Variants in TRAF6 observed in about 807,000 individuals in gnomAD.
TRAF6 encodes TNF receptor-associated factor 6.
A neutral mutation model predicts 48.4 loss-of-function variants in TRAF6; 10 were observed. The ratio of observed to expected loss-of-function variants is 0.21; its 90% confidence interval spans 0.13 to 0.35. The LOEUF (loss-of-function observed/expected upper bound fraction) is 0.35. Among genes scored for constraint, TRAF6 ranks in the 10% least tolerant of loss-of-function variants. TRAF6 has a pLI of 1.00. For synonymous variants in TRAF6, 186 were observed against 219.6 expected (o/e 0.85, Z 1.35); for missense variants, 397 against 661.0 (o/e 0.60, Z 4.38).
At chr11:36,509,426 T>C (rs1251421679) in intron 1 of TRAF6, among the ~76,000 whole-genome samples, 4 of 141,908 alleles carry the variant, frequency 2.8e-5, no homozygotes, top group Non-Finnish European at 4.7e-5. Flanking sequence ...CATCTGAGCC[T>C]TTTTTTTTTT....
intron 6 of TRAF6, among the ~76,000 whole-genome samples, chr11:36,492,256 T>A (rs1185158734): frequency 1.3e-5 from 2 of 152,224 alleles, no homozygotes; most frequent in Non-Finnish European, 2.9e-5. Flanking sequence ...TTGTAGTTCC[T>A]CAAATCACCA....
At chr11:36,496,157 C>T (rs1276457405) in intron 4 of TRAF6, among the ~76,000 whole-genome samples, 2 of 152,072 alleles carry the variant, frequency 1.3e-5, no homozygotes, top group Non-Finnish European at 2.9e-5. Flanking sequence ...TCAAGGGCTT[C>T]GATTTCAGGG....
chr11:36,490,266 A>G lies in TRAF6; in HGVS notation c.1141T>C (p.Tyr381His), dbSNP rs1401987236. The change falls in exon 7 of 7, where the codon TAC (tyrosine) becomes CAC (histidine). Residue 381 changes from tyrosine (Y) to histidine (H), a missense_variant. Transcript: ENST00000526995. This position sits in a 1 kb window ranked among gnomAD's most constrained non-coding sequence, Gnocchi z 6.4. The stretch of plus-strand genomic sequence containing the variant: ...AGTTTGTACCCGGGTTTGCCAGTGT[A>G]GAATCCAGGGCTATGAATCACAACA... ...KPVVIHSPGF[Y>H]TGKPGYKLCM... is the part of the protein sequence containing the mutation. 6.2e-7 allele frequency: 1 copy of G among 1,614,110 alleles called. No homozygotes were observed. The highest frequency in any genetic ancestry group is 8.5e-7 in the Non-Finnish European group (1 of 1,180,056).
rs1437433478 is a variant in TRAF6 at position 36,496,991 on chromosome 11, A to T, written c.606+117T>A. The T allele has an allele frequency of 6.5e-6, 7 of 1,079,974 alleles. No homozygotes were observed. The South Asian group carries it at 9.7e-5, about 15-fold the overall frequency. 66.9% of individuals were successfully genotyped at this position (1,079,974 alleles called of 1,614,324 possible). A position where few individuals can be genotyped will look rare whatever the true frequency, so the allele number is the denominator to read the frequency against. ...TTAAAAATCATTTTTCCCAAAATTGATAATGTAGACTCAGAGTCGGAGTCA... is the reference window on the plus strand; with the variant it reads ...TTAAAAATCATTTTTCCCAAAATTGTTAATGTAGACTCAGAGTCGGAGTCA... On this transcript the variant is annotated intron_variant, in intron 4 of 6. Coordinates refer to ENST00000526995, the MANE Select transcript of TRAF6 (RefSeq NM_004620.4).
chr11:36,490,749 C>T lies in TRAF6; in HGVS notation c.757-99G>A. On this transcript the variant is annotated intron_variant, in intron 6 of 6. Transcript: ENST00000526995. The surrounding 1 kb of genome is among the most constrained non-coding windows in gnomAD (Gnocchi z 6.4). The stretch of plus-strand genomic sequence containing the variant: ...ATAAGAAGTTTTCAAGTAGTCACAC[C>T]ACTTCCCTCAATTCTCTACAATTTT... 9.8e-7 allele frequency: 1 copy of T among 1,022,780 alleles called. No individual in the cohort carries two copies. The highest frequency in any genetic ancestry group is 1.4e-6 in the Non-Finnish European group (1 of 705,998). The allele number at this position is 1,022,780 out of a possible 1,614,324, so 63.4% of individuals were successfully genotyped here. A position where few individuals can be genotyped will look rare whatever the true frequency, so the allele number is the denominator to read the frequency against.
rs773273413 is a variant in TRAF6 at position 36,493,152 on chromosome 11, T to C, written c.679-524A>G. Reference sequence around the variant, plus strand: ...ATGGGGAGACTCAGATGTTAGAAGGTACTTTAAACACATTAATAGAAGCTC... The same window carrying C: ...ATGGGGAGACTCAGATGTTAGAAGGCACTTTAAACACATTAATAGAAGCTC... On this transcript the variant is annotated intron_variant, in intron 5 of 6. Transcript: ENST00000526995. Among the ~76,000 whole-genome samples, 6 of 152,236 alleles carry C rather than the reference T, an allele frequency of 3.9e-5. No individual in the cohort carries two copies. In the South Asian group the frequency reaches 6.2e-4, roughly 16 times the overall value.
rs375885056 is a variant in TRAF6, at chr11:36,485,109, T to C, written c.*4729A>G. ...CATCTATCAAGTGATAAAGCAAATG[T>C]AACATAATATTACTGCAGATTCTAG... On this transcript the variant is annotated 3_prime_UTR_variant, in exon 7 of 7. Coordinates refer to ENST00000526995, the MANE Select transcript of TRAF6 (RefSeq NM_004620.4). 2.6e-5 allele frequency among the ~76,000 whole-genome samples: 4 copies of C among 152,068 alleles called. No homozygotes were observed. In the South Asian group the frequency reaches 6.2e-4, roughly 24 times the overall value.
chr11:36,509,046 T>C (rs951088348), intron 1 of TRAF6, among the ~76,000 whole-genome samples: 8 of 152,192 alleles, frequency 5.3e-5, no homozygotes, highest in African/African-American at 1.7e-4. Context: ...TTCCTGCCTA[T>C]ACACTCAACC....
Position 36,487,923 on chromosome 11 carries a change from C to A in TRAF6, c.*1915G>T, listed in dbSNP as rs566930681. ...TTAATTTTTTTCTCCGATAAAAGTA[C>A]ACATTTATTGTAGAAAATGTAAAAA... On this transcript the variant is annotated 3_prime_UTR_variant, in exon 7 of 7. Transcript: ENST00000526995. 6.6e-6 allele frequency: 1 copy of A among 152,124 alleles called. No individual in the cohort carries two copies. The highest frequency in any genetic ancestry group is 2.1e-4 in the South Asian group (1 of 4,820). The allele number at this position is 152,124 out of a possible 1,614,324, so 9.4% of individuals were successfully genotyped here.
In TRAF6 at chr11:36,498,252, A is replaced by C. The variant is rs142212782; in HGVS notation, c.447+238T>G. Among the ~76,000 whole-genome samples, 8 of 152,296 alleles carry C rather than the reference A, an allele frequency of 5.3e-5. No individual in the cohort carries two copies. The East Asian group carries it at 1.5e-3, about 29-fold the overall frequency. ...GCTTACCAAAAGCTTATGAAACAATACTGATTTTTTAAAAAAATTACTGCT... is the reference window on the plus strand; with the variant it reads ...GCTTACCAAAAGCTTATGAAACAATCCTGATTTTTTAAAAAAATTACTGCT... On this transcript the variant is annotated intron_variant, in intron 3 of 6. Coordinates refer to ENST00000526995, the MANE Select transcript of TRAF6 (RefSeq NM_004620.4).
In TRAF6 at chr11:36,498,297, A is replaced by T. The variant is rs182138645; in HGVS notation, c.447+193T>A. ...ACTGCTGGGCAAAGCCAGAGTAGAT[A>T]AAACAGTATATTTCTGGTTTCTACT... On this transcript the variant is annotated intron_variant, in intron 3 of 6. Coordinates refer to ENST00000526995, the MANE Select transcript of TRAF6 (RefSeq NM_004620.4). Among the ~76,000 whole-genome samples, 196 of 152,350 alleles carry T rather than the reference A, an allele frequency of 1.3e-3. 1 individual carries two copies. Among genetic ancestry groups the T allele is most frequent in the African/African-American group, 4.4e-3 (182 of 41,586 alleles).
chr11:36,492,606 T>C lies in TRAF6; in HGVS notation c.701A>G (p.Asp234Gly). ...REQMPNHYDLDCPTAPIPCTF... is the reference protein window; with the variant it reads ...REQMPNHYDLGCPTAPIPCTF... ...GCATGGAATTGGGGCTGTAGGGCAG[T>C]CTAGATCATAATGATTAGGCATCTG... Residue 234 changes from aspartate to glycine, a missense_variant, in exon 6 of 7, where the codon GAC becomes GGC. By Grantham distance (94) the Asp-to-Gly change is moderately conservative. Coordinates refer to ENST00000526995, the MANE Select transcript of TRAF6 (RefSeq NM_004620.4). 6.2e-7 allele frequency: 1 copy of C among 1,611,000 alleles called. No individual in the cohort carries two copies. Among genetic ancestry groups the C allele is most frequent in the Non-Finnish European group, 8.5e-7 (1 of 1,179,272 alleles).
chr11:36,503,945 C>T (rs899623221), intron 1 of TRAF6, among the ~76,000 whole-genome samples: 10 of 150,528 alleles, frequency 6.6e-5, no homozygotes, highest in African/African-American at 2.5e-4. Flanking sequence ...GTTTCCCATA[C>T]AAAGTTATGT....
At chr11:36,492,399 G>A in intron 6 of TRAF6, 152 bp downstream of exon 6, 2 of 660,628 alleles carry the variant, frequency 3.0e-6, no homozygotes, top group South Asian at 2.0e-5. Context: ...GTATGCCTTT[G>A]CTTCTGCTCA....
At position 36,489,729 on chromosome 11, in the gene TRAF6, G is replaced by C. The variant is rs1488267852; in HGVS notation, c.*109C>G. 7 of 1,163,616 alleles carry C rather than the reference G, an allele frequency of 6.0e-6. No homozygotes were observed. The highest frequency in any genetic ancestry group is 6.2e-6 in the Non-Finnish European group (5 of 810,772). 72.1% of individuals were successfully genotyped at this position (1,163,616 alleles called of 1,614,324 possible). On this transcript the variant is annotated 3_prime_UTR_variant, in exon 7 of 7. Transcript: ENST00000526995. ...GTGACCTCTCTAACAACACTCACTA[G>C]TAGATATTACATATTTCCCGTGGCT... is the stretch of plus-strand genomic sequence containing the variant.
intron 1 of TRAF6, among the ~76,000 whole-genome samples, chr11:36,503,744 G>A (rs563874342): frequency 1.8e-4 from 27 of 152,278 alleles, no homozygotes; most frequent in African/African-American, 5.5e-4. Flanking sequence ...CAGCTGGGTC[G>A]TAAAATACGG....
intron 1 of TRAF6, 120 bp from the exon 2 acceptor site, chr11:36,501,657 A>C (rs750652886): frequency 8.2e-6 from 6 of 728,114 alleles, no homozygotes; most frequent in Non-Finnish European, 1.2e-5. Flanking sequence ...CAGCTGTATT[A>C]ATGTTATTTA....
At chr11:36,497,894 T>C (rs932613542) in intron 3 of TRAF6, among the ~76,000 whole-genome samples, 1 of 151,670 alleles carries the variant, frequency 6.6e-6, no homozygotes, top group African/African-American at 2.4e-5. Context: ...ATTTTTTTTT[T>C]TTTTTTTTGA....
Position 36,486,318 on chromosome 11 carries a change from C to T in TRAF6, c.*3520G>A, listed in dbSNP as rs188994685. Among the ~76,000 whole-genome samples the T allele has an allele frequency of 3.9e-4, 59 of 152,224 alleles. No homozygotes were observed. Among genetic ancestry groups the T allele is most frequent in the Middle Eastern group, 3.4e-3 (1 of 294 alleles). On this transcript the variant is annotated 3_prime_UTR_variant, in exon 7 of 7. Coordinates refer to ENST00000526995, the MANE Select transcript of TRAF6 (RefSeq NM_004620.4). ...CCTCCCAAAGTGCTGGGATTATAGG[C>T]GTGAGCCACCGTGCCCAGCCTAATA...
Sources: gnomAD v4.1 joint callset for allele counts (sites outside exome capture counted in the v4.1 genomes callset) on GRCh38, gnomAD v4.1.1 for gene constraint, Gnocchi (gnomAD v3.1) non-coding constraint, MANE v1.5 for transcripts, NCBI Gene and HGNC (gene_info 2026-07-23, HGNC 2026-07-21) for gene names.